Variants in DNAJC5B observed in about 807,000 individuals in gnomAD.
DNAJC5B encodes dnaJ homolog subfamily C member 5B.
In DNAJC5B, 23 loss-of-function variants were observed where a neutral mutation model predicts 24.7. The ratio of observed to expected loss-of-function variants is 0.93; its 90% CI spans 0.67 to 1.32. The LOEUF is 1.32. DNAJC5B is among the 40% of genes most tolerant of loss of function. The probability of loss-of-function intolerance (pLI) is 0.00; values close to 1 mark genes in which losing one functional copy is unlikely to be tolerated. For missense variants in DNAJC5B, 238 were observed against 240.8 expected, an observed-to-expected ratio of 0.99 and a Z score of 0.08; for synonymous variants, 101 against 90.1, an observed-to-expected ratio of 1.12 and a Z score of -0.68.
At chr8:66,015,733 G>A in the DNAJC5B span, among the ~76,000 whole-genome samples, 3 of 152,216 alleles carry the variant, frequency 2.0e-5, no homozygotes, top group Non-Finnish European at 2.9e-5. Flanking sequence ...AAGGTGTTAA[G>A]AGTGGGCACA....
intron 1 of DNAJC5B, among the ~76,000 whole-genome samples, chr8:66,023,517 TA>T (rs893233873): frequency 1.3e-5 from 2 of 152,200 alleles, no homozygotes; most frequent in African/African-American, 2.4e-5. Context: ...CTTTTTTTCT[TA>T]AAAAAACATG....
chr8:66,064,178 T>C (rs918905777), intron 3 of DNAJC5B, among the ~76,000 whole-genome samples: 2 of 152,082 alleles, frequency 1.3e-5, no homozygotes, highest in African/African-American at 4.8e-5. Flanking sequence ...AAAAGTGAGT[T>C]TGGGGAAAAA....
intron 3 of DNAJC5B, among the ~76,000 whole-genome samples, chr8:66,063,782 T>C (rs528410242): frequency 1.3e-5 from 2 of 152,354 alleles, no homozygotes; most frequent in South Asian, 2.1e-4. Context: ...ACATATAATA[T>C]TCATTGTATT....
At chr8:66,052,886 G>C (rs1055309844) in intron 3 of DNAJC5B, among the ~76,000 whole-genome samples, 3 of 152,068 alleles carry the variant, frequency 2.0e-5, no homozygotes, top group Non-Finnish European at 2.9e-5. Context: ...CTTTCAGAGA[G>C]AGAAAATCTT....
intron 5 of DNAJC5B, among the ~76,000 whole-genome samples, chr8:66,086,948 C>G (rs1807739863): frequency 6.6e-6 from 1 of 152,120 alleles, no homozygotes; most frequent in African/African-American, 2.4e-5. Context: ...AGCTACTTAA[C>G]ACTTTGTCTT....
chr8:66,059,190 T>C (rs1311349592), intron 3 of DNAJC5B, among the ~76,000 whole-genome samples: 2 of 152,244 alleles, frequency 1.3e-5, no homozygotes, highest in Non-Finnish European at 2.9e-5. Context: ...GCTCATTTAA[T>C]CCAATTTTAT....
At chr8:66,026,171 T>C (rs1328614241) in intron 1 of DNAJC5B, among the ~76,000 whole-genome samples, 1 of 145,380 alleles carries the variant, frequency 6.9e-6, no homozygotes, top group East Asian at 2.0e-4. Context: ...AGGTATTTTA[T>C]TCTCTTTGAA....
At chr8:66,094,981 T>C (rs1807919292) in intron 5 of DNAJC5B, among the ~76,000 whole-genome samples, 1 of 152,118 alleles carries the variant, frequency 6.6e-6, no homozygotes, top group Non-Finnish European at 1.5e-5. Flanking sequence ...GTATTGACTA[T>C]TGTATTATTT....
At chr8:66,055,834 C>A (rs935569943) in intron 3 of DNAJC5B, among the ~76,000 whole-genome samples, 12 of 152,048 alleles carry the variant, frequency 7.9e-5, no homozygotes, top group African/African-American at 2.9e-4. Context: ...CCCAGCTGCT[C>A]GGGAGGCTGA....
At chr8:66,017,195 G>C (rs1000834627), upstream of DNAJC5B, among the ~76,000 whole-genome samples, 11 of 152,120 alleles carry the variant, frequency 7.2e-5, no homozygotes, top group Non-Finnish European at 1.6e-4. Context: ...GTGTTTCTTG[G>C]ATCTGTGATC....
intron 5 of DNAJC5B, among the ~76,000 whole-genome samples, chr8:66,085,963 A>G (rs1807715755): frequency 6.6e-6 from 1 of 152,064 alleles, no homozygotes; most frequent in Non-Finnish European, 1.5e-5. Flanking sequence ...GTCTCATTTG[A>G]TTTCTTTCAT....
chr8:66,087,825 C>T (rs992599488), intron 5 of DNAJC5B, among the ~76,000 whole-genome samples: 6 of 152,180 alleles, frequency 3.9e-5, no homozygotes, highest in African/African-American at 1.4e-4. Flanking sequence ...CCCTGTGGCT[C>T]TGCAGGGTAC....
At chr8:66,031,739 G>A (rs914979436) in intron 1 of DNAJC5B, among the ~76,000 whole-genome samples, 6 of 152,092 alleles carry the variant, frequency 3.9e-5, no homozygotes, top group East Asian at 1.9e-4. Flanking sequence ...TTCCATTCAG[G>A]CCTTCAGCTG....
At chr8:66,080,658 T>C in intron 5 of DNAJC5B, 110 bp downstream of exon 5, 1 of 898,398 alleles carries the variant, frequency 1.1e-6, no homozygotes, top group Admixed American at 3.1e-5. Context: ...CACAACCAAA[T>C]GGGTGGAACT....
chr8:66,037,101 G>T (rs943076571), intron 1 of DNAJC5B, among the ~76,000 whole-genome samples: 1 of 152,172 alleles, frequency 6.6e-6, no homozygotes, highest in African/African-American at 2.4e-5. Flanking sequence ...GGCCCTGGGG[G>T]AATGGAGGAT....
At chr8:66,091,631 A>G (rs1388528913) in intron 5 of DNAJC5B, among the ~76,000 whole-genome samples, 1 of 152,172 alleles carries the variant, frequency 6.6e-6, no homozygotes, top group East Asian at 1.9e-4. Context: ...AAGAAACCCA[A>G]ACTGAGATAT....
At chr8:66,020,272 C>T (rs140991453), upstream of DNAJC5B, among the ~76,000 whole-genome samples, 98 of 152,200 alleles carry the variant, frequency 6.4e-4, no homozygotes, top group African/African-American at 2.1e-3. Context: ...TTTATCTCAC[C>T]AAGTTGTGAA....
intron 1 of DNAJC5B, among the ~76,000 whole-genome samples, chr8:66,036,918 T>C (rs1207975402): frequency 6.6e-6 from 1 of 152,218 alleles, no homozygotes; most frequent in Non-Finnish European, 1.5e-5. Flanking sequence ...ACTCCTTGCC[T>C]GCCCTCCCAC....
At chr8:66,063,768 A>G (rs1382828887) in intron 3 of DNAJC5B, among the ~76,000 whole-genome samples, 1 of 152,252 alleles carries the variant, frequency 6.6e-6, no homozygotes, top group East Asian at 1.9e-4. Flanking sequence ...TGAGAGATGA[A>G]TATACATATA....
Sources: gnomAD v4.1 joint callset for allele counts (sites outside exome capture counted in the v4.1 genomes callset) on GRCh38, gnomAD v4.1.1 for gene constraint, MANE v1.5 for transcripts, NCBI Gene and HGNC (gene_info 2026-07-23, HGNC 2026-07-21) for gene names.